TRPV3: variants seen among roughly 807,000 people sequenced by gnomAD.
TRPV3 encodes transient receptor potential cation channel subfamily V member 3.
In TRPV3, 88 loss-of-function variants were observed where a neutral mutation model predicts 87.1. The observed-to-expected ratio is 1.01, with a 90% confidence interval of 0.85 to 1.21. The LOEUF is 1.21. Among genes scored for constraint, TRPV3 ranks in the 50% most tolerant of loss-of-function variants. TRPV3 has a pLI of 0.00. For missense variants in TRPV3, 1,054 were observed against 1,030.1 expected (o/e 1.02, Z -0.32); for synonymous variants, 438 against 423.3 (o/e 1.03, Z -0.43).
At chr17:3,535,250 T>TCCC (rs2074393344) in intron 7 of TRPV3, among the ~76,000 whole-genome samples, 3 of 16,800 alleles carry the variant, frequency 1.8e-4, no homozygotes, top group Non-Finnish European at 2.4e-4. Flanking sequence ...CTCCCCCTCC[T>TCCC]TACTCCTCCT....
chr17:3,512,317 G>C lies in TRPV3; in HGVS notation c.*1600C>G, dbSNP rs2074123551. On this transcript the variant is annotated 3_prime_UTR_variant, in exon 18 of 18. Transcript: ENST00000576742. ...GGGAGGGCAGGGGCTGCTGTGGATT[G>C]TGAAGCCTCACACACCCCAGCCCAC... The C allele has an allele frequency of 7.3e-5, 1 of 13,616 alleles. No individual in the cohort carries two copies. Among genetic ancestry groups the C allele is most frequent in the Non-Finnish European group, 5.3e-3 (1 of 190 alleles). 0.8% of individuals were successfully genotyped at this position (13,616 alleles called of 1,614,324 possible). A position where few individuals can be genotyped will look rare whatever the true frequency, so the allele number is the denominator to read the frequency against.
chr17:3,547,511 C>T (rs1030653349), intron 2 of TRPV3, among the ~76,000 whole-genome samples: 12 of 152,096 alleles, frequency 7.9e-5, no homozygotes, highest in African/African-American at 2.7e-4. Flanking sequence ...ATCCCATCTA[C>T]GTGGGAGGCT....
chr17:3,527,263 C>T (rs1393517458), intron 11 of TRPV3, among the ~76,000 whole-genome samples: 2 of 152,148 alleles, frequency 1.3e-5, no homozygotes, highest in Non-Finnish European at 1.5e-5. Flanking sequence ...CATGCTGTTC[C>T]CCATATCCAC....
Position 3,524,378 on chromosome 17 carries a change from C to A in TRPV3, c.1578-15G>T. The A allele has an allele frequency of 6.2e-7, 1 of 1,613,588 alleles. No individual in the cohort carries two copies. The highest frequency in any genetic ancestry group is 8.5e-7 in the Non-Finnish European group (1 of 1,179,670). On this transcript the variant is annotated splice_polypyrimidine_tract_variant and intron_variant, in intron 12 of 17. Coordinates refer to ENST00000576742, the MANE Select transcript of TRPV3 (RefSeq NM_145068.4). ...CTTGGATAAAACTGTTCAGGAGACA[C>A]AGGAGACACGGGCCTTACTTACTTC...
In TRPV3 at chr17:3,513,015, A is replaced by C. The variant is rs7209047; in HGVS notation, c.*902T>G. The C allele has an allele frequency of 0.41, 62,845 of 151,954 alleles. 13,221 individuals carry two copies. Among genetic ancestry groups the C allele is most frequent in the African/African-American group, 0.47 (19,331 of 41,396 alleles). The allele number at this position is 151,954 out of a possible 1,614,324, so 9.4% of individuals were successfully genotyped here. The stretch of plus-strand genomic sequence containing the variant: ...GGTCAGGACGAGGAAAAGAGCCAGG[A>C]CCTTTCACCCAGATCGCGGCGGCCC... On this transcript the variant is annotated 3_prime_UTR_variant, in exon 18 of 18. Coordinates refer to ENST00000576742, the MANE Select transcript of TRPV3 (RefSeq NM_145068.4).
intron 4 of TRPV3, 68 bp from the exon 5 acceptor site, chr17:3,543,696 C>A: frequency 1.3e-6 from 2 of 1,588,994 alleles, no homozygotes; most frequent in Non-Finnish European, 1.7e-6. Context: ...CTTTTCCCCG[C>A]CAGAGCTGCC....
At chr17:3,519,682 A>G (rs2074222382) in intron 14 of TRPV3, among the ~76,000 whole-genome samples, 1 of 144,202 alleles carries the variant, frequency 6.9e-6, no homozygotes, top group Non-Finnish European at 1.5e-5. Flanking sequence ...CGATGGATGG[A>G]TGGATGATTG....
chr17:3,552,849 T>C (rs1264383799), intron 2 of TRPV3: 1 of 152,056 alleles, frequency 6.6e-6, no homozygotes, highest in Admixed American at 6.6e-5. Flanking sequence ...GCCAGGGAGG[T>C]GGTCCTTGCC....
At chr17:3,514,144 T>C (rs2150776363) in intron 17 of TRPV3, 133 bp from the exon 18 acceptor site, 2 of 715,774 alleles carry the variant, frequency 2.8e-6, no homozygotes, top group East Asian at 5.8e-5. Flanking sequence ...AGTGGTGTGA[T>C]CTCAGCTCAC....
At chr17:3,521,878 C>T (rs959742279) in intron 13 of TRPV3, among the ~76,000 whole-genome samples, 1 of 152,078 alleles carries the variant, frequency 6.6e-6, no homozygotes, top group Non-Finnish European at 1.5e-5. Flanking sequence ...GAGTTGGAGG[C>T]CAGCTTGGCC....
chr17:3,545,346 C>T, intron 2 of TRPV3, 75 bp from the exon 3 acceptor site: 1 of 1,140,996 alleles, frequency 8.8e-7, no homozygotes, highest in Non-Finnish European at 1.3e-6. Context: ...CCTCCTGGCC[C>T]CAGAGGGTGC....
At chr17:3,529,984 G>A in intron 9 of TRPV3, 43 bp downstream of exon 9, 1 of 1,584,994 alleles carries the variant, frequency 6.3e-7, no homozygotes, top group Middle Eastern at 1.7e-4. Context: ...CTGAGGTCCA[G>A]CCCTCTTCTC....
rs2074521448 is a variant in TRPV3, at chr17:3,545,999, A to C, written c.120-728T>G. Among the ~76,000 whole-genome samples the C allele has an allele frequency of 3.3e-5, 5 of 151,380 alleles. No homozygotes were observed. The South Asian group carries it at 1.0e-3, about 31-fold the overall frequency. On this transcript the variant is annotated intron_variant, in intron 2 of 17. Transcript: ENST00000576742. ...AGCAGGACTCCGTCTCAAAAAAAAA[A>C]AAAAAAAAGAAAGAAAACAGGGAGC...
chr17:3,541,504 A>T (rs2074460540), intron 6 of TRPV3, among the ~76,000 whole-genome samples: 1 of 152,160 alleles, frequency 6.6e-6, no homozygotes, highest in Admixed American at 6.5e-5. Flanking sequence ...TGACTCCAAA[A>T]CTCAAATAAA....
intron 4 of TRPV3, among the ~76,000 whole-genome samples, chr17:3,544,359 A>C (rs572188150): frequency 1.3e-5 from 2 of 152,242 alleles, no homozygotes; most frequent in South Asian, 2.1e-4. Context: ...TTTCCACTGC[A>C]TCCTGCTGTT....
Position 3,513,884 on chromosome 17 carries a change from A to AGCGCAC in TRPV3, c.*27_*32dup. On this transcript the variant is annotated 3_prime_UTR_variant, in exon 18 of 18. Coordinates refer to ENST00000576742, the MANE Select transcript of TRPV3 (RefSeq NM_145068.4). ...GGTGACTCCGCCTGCAGCGCCAGAC[A>AGCGCAC]GCGCACGCGCACACCAGCTCTGGGT... 1 of 1,566,198 alleles carries AGCGCAC rather than the reference A, an allele frequency of 6.4e-7. No homozygotes were observed. Among genetic ancestry groups the AGCGCAC allele is most frequent in the East Asian group, 2.2e-5 (1 of 44,658 alleles).
rs926985061 is a variant in TRPV3, at chr17:3,530,609, C to T, written c.1066-406G>A. ...AGTGTTCTCAGCGTCCCCAGCCCACCCTAAGCCAAGACTCCTCCAGCTGTG... is the reference window on the plus strand; with the variant it reads ...AGTGTTCTCAGCGTCCCCAGCCCACTCTAAGCCAAGACTCCTCCAGCTGTG... On this transcript the variant is annotated intron_variant, in intron 8 of 17. Transcript: ENST00000576742. This position sits in a 1 kb window ranked among gnomAD's most constrained non-coding sequence, Gnocchi z 4.0. 2.6e-5 allele frequency among the ~76,000 whole-genome samples: 4 copies of T among 152,162 alleles called. No homozygotes were observed. In the East Asian group the frequency reaches 7.7e-4, roughly 29 times the overall value.
intron 13 of TRPV3, among the ~76,000 whole-genome samples, chr17:3,523,242 A>G (rs1326888312): frequency 6.6e-6 from 1 of 152,218 alleles, no homozygotes; most frequent in Non-Finnish European, 1.5e-5. Context: ...TTTGCAAACT[A>G]GTATCCAATT....
chr17:3,528,236 C>G lies in TRPV3; in HGVS notation c.1402-110G>C. 1 of 743,392 alleles carries G rather than the reference C, an allele frequency of 1.3e-6. No individual in the cohort carries two copies. Among genetic ancestry groups the G allele is most frequent in the East Asian group, 2.7e-5 (1 of 36,618 alleles). The allele number at this position is 743,392 out of a possible 1,614,324, so 46.0% of individuals were successfully genotyped here. On this transcript the variant is annotated intron_variant, in intron 10 of 17. Coordinates refer to ENST00000576742, the MANE Select transcript of TRPV3 (RefSeq NM_145068.4). This position sits in a 1 kb window ranked among gnomAD's most constrained non-coding sequence, Gnocchi z 4.2. ...GAAACACTCAAGCCGGGCCAGAGAC[C>G]AGCATGAAACCTGATCTCTGTACAG...
Sources: gnomAD v4.1 joint callset for allele counts (sites outside exome capture counted in the v4.1 genomes callset) on GRCh38, gnomAD v4.1.1 for gene constraint, Gnocchi (gnomAD v3.1) non-coding constraint, MANE v1.5 for transcripts, NCBI Gene and HGNC (gene_info 2026-07-23, HGNC 2026-07-21) for gene names.